EIPR1: variants seen among roughly 807,000 people sequenced by gnomAD.
EIPR1 encodes the protein EARP and GARP complex-interacting protein 1.
A neutral mutation model predicts 48.1 loss-of-function variants in EIPR1; 25 were observed. That is an observed-to-expected ratio of 0.52 (90% CI 0.38 to 0.73). The LOEUF is 0.73. Among genes scored for constraint, EIPR1 ranks in the 30% least tolerant of loss-of-function variants. The pLI is 0.00. For synonymous variants in EIPR1, 204 were observed against 201.9 expected, an observed-to-expected ratio of 1.01 and a Z score of -0.09; for missense variants, 415 against 506.2, an observed-to-expected ratio of 0.82 and a Z score of 1.73.
chr2:3,235,338 C>T (rs1212964420), intron 4 of EIPR1, among the ~76,000 whole-genome samples: 1 of 152,256 alleles, frequency 6.6e-6, no homozygotes, highest in Non-Finnish European at 1.5e-5. Context: ...AGAATAAGAG[C>T]TATGACCATC....
intron 5 of EIPR1, among the ~76,000 whole-genome samples, chr2:3,204,125 G>A (rs1247216000): frequency 6.6e-6 from 1 of 152,214 alleles, no homozygotes; most frequent in Non-Finnish European, 1.5e-5. Flanking sequence ...CCCAGATAAG[G>A]GGAGACCCTG....
chr2:3,322,581 G>A (rs532501863), intron 3 of EIPR1, among the ~76,000 whole-genome samples: 2 of 152,178 alleles, frequency 1.3e-5, no homozygotes, highest in African/African-American at 4.8e-5. Flanking sequence ...GCAATCCTGT[G>A]GTCTTCCTCA....
intron 3 of EIPR1, chr2:3,318,795 C>G: frequency 2.2e-6 from 1 of 461,436 alleles, no homozygotes. Flanking sequence ...ACTCCTCGAT[C>G]GCCACACATG....
chr2:3,353,197 A>C (rs1316803891), intron 2 of EIPR1: 1 of 470,528 alleles, frequency 2.1e-6, no homozygotes, highest in Non-Finnish European at 4.4e-6. Context: ...TTTAGGGTTC[A>C]GTACTCACCA....
At chr2:3,295,834 TGC>T (rs1491276834) in intron 3 of EIPR1, among the ~76,000 whole-genome samples, 8 of 107,880 alleles carry the variant, frequency 7.4e-5, no homozygotes, top group Non-Finnish European at 9.3e-5. Context: ...ATCCTCTCCC[TGC>T]ACACACACAC....
intron 3 of EIPR1, among the ~76,000 whole-genome samples, chr2:3,293,499 A>G (rs1393535657): frequency 1.3e-5 from 2 of 152,240 alleles, no homozygotes; most frequent in African/African-American, 4.8e-5. Flanking sequence ...GCACCCAGAC[A>G]GCCGTTTAGG....
At chr2:3,301,090 T>G (rs1668749563) in intron 3 of EIPR1, 1 of 152,214 alleles carries the variant, frequency 6.6e-6, no homozygotes, top group African/African-American at 2.4e-5. Flanking sequence ...AGAGCATTTC[T>G]GAAAGAAAAG....
chr2:3,256,248 C>A (rs932650120), intron 4 of EIPR1, among the ~76,000 whole-genome samples: 6 of 152,234 alleles, frequency 3.9e-5, no homozygotes, highest in Admixed American at 1.3e-4. Flanking sequence ...CCTCAGTCCC[C>A]GTTCCAAACT....
intron 1 of EIPR1, among the ~76,000 whole-genome samples, chr2:3,367,258 A>C (rs985250692): frequency 9.8e-5 from 15 of 152,336 alleles, no homozygotes; most frequent in African/African-American, 3.6e-4. Context: ...GCTGTGTTCC[A>C]GGCACATAAT....
intron 4 of EIPR1, among the ~76,000 whole-genome samples, chr2:3,244,944 G>C (rs576668339): frequency 6.6e-6 from 1 of 152,056 alleles, no homozygotes; most frequent in Non-Finnish European, 1.5e-5. Flanking sequence ...AAAATCCTAG[G>C]GGAGATAGGA....
chr2:3,255,332 G>A (rs1667121458), intron 4 of EIPR1, among the ~76,000 whole-genome samples: 1 of 151,996 alleles, frequency 6.6e-6, no homozygotes, highest in South Asian at 2.1e-4. Flanking sequence ...ACAGGCACGT[G>A]CCACCACACA....
intron 2 of EIPR1, among the ~76,000 whole-genome samples, chr2:3,339,159 C>T (rs1477319741): frequency 6.6e-6 from 1 of 152,188 alleles, no homozygotes; most frequent in African/African-American, 2.4e-5. Context: ...ACGAATGCTA[C>T]ATCCTTTTGT....
intron 4 of EIPR1, among the ~76,000 whole-genome samples, chr2:3,248,219 G>A (rs780392172): frequency 3.9e-5 from 6 of 152,100 alleles, no homozygotes; most frequent in Non-Finnish European, 7.4e-5. Flanking sequence ...AGGCCGAGGT[G>A]GGTGGATCAC....
chr2:3,266,125 C>T (rs1009364797), intron 3 of EIPR1, among the ~76,000 whole-genome samples: 23 of 152,206 alleles, frequency 1.5e-4, no homozygotes, highest in Non-Finnish European at 2.9e-4. Context: ...AAAAGGCTTA[C>T]AGGAATTCAA....
chr2:3,285,190 C>A (rs1368624026), intron 3 of EIPR1, among the ~76,000 whole-genome samples: 3 of 152,138 alleles, frequency 2.0e-5, no homozygotes, highest in Non-Finnish European at 4.4e-5. Flanking sequence ...AAACTGGAGA[C>A]ACCCAGCCCA....
chr2:3,353,184 A>G (rs1239969433), intron 2 of EIPR1: 1 of 462,850 alleles, frequency 2.2e-6, no homozygotes, highest in Non-Finnish European at 4.5e-6. Flanking sequence ...AAAGCATGAT[A>G]TGTTTAGGGT....
At position 3,338,168 on chromosome 2, in the gene EIPR1, A is replaced by C. The variant is rs747272766; in HGVS notation, c.127-19T>G. The C allele has an allele frequency of 6.2e-7, 1 of 1,608,306 alleles. No homozygotes were observed. The highest frequency in any genetic ancestry group is 2.2e-5 in the East Asian group (1 of 44,846). Reference sequence around the variant, plus strand: ...TATGGATCTACAAATACAAGAAAAGAGCACATCAGGATCTCAAACACTTTC... The same window carrying C: ...TATGGATCTACAAATACAAGAAAAGCGCACATCAGGATCTCAAACACTTTC... On this transcript the variant is annotated intron_variant, in intron 2 of 8. Coordinates refer to ENST00000382125, the MANE Select transcript of EIPR1 (RefSeq NM_003310.5).
intron 4 of EIPR1, among the ~76,000 whole-genome samples, chr2:3,228,399 T>G (rs1388774478): frequency 6.6e-6 from 1 of 152,276 alleles, no homozygotes; most frequent in Non-Finnish European, 1.5e-5. Context: ...ATTTGCTCAA[T>G]GCCTGTACCA....
intron 3 of EIPR1, among the ~76,000 whole-genome samples, chr2:3,269,391 A>G: frequency 7.3e-6 from 1 of 137,366 alleles, no homozygotes; most frequent in Non-Finnish European, 1.5e-5. Context: ...CAGTCATCGC[A>G]CTCAGTCATC....
Sources: allele counts gnomAD v4.1 joint callset (sites outside exome capture counted in the v4.1 genomes callset), GRCh38; gene constraint gnomAD v4.1.1; transcripts MANE v1.5; gene names NCBI Gene and HGNC (gene_info 2026-07-23, HGNC 2026-07-21).